The following SCAMP1 variants were observed in gnomAD, a reference collection of about 807,000 sequenced individuals.
The protein encoded by SCAMP1 is secretory carrier-associated membrane protein 1.
A neutral mutation model predicts 41.8 loss-of-function variants in SCAMP1; 15 were observed. The observed-to-expected ratio is 0.36, with a 90% CI of 0.24 to 0.55. SCAMP1 has a LOEUF of 0.55. Ranked by LOEUF, SCAMP1 falls within the 20% of genes least tolerant of loss-of-function variation. The pLI is 0.86. For missense variants in SCAMP1, 341 were observed against 412.6 expected, an observed-to-expected ratio of 0.83 and a Z score of 1.50; for synonymous variants, 135 against 136.8, an observed-to-expected ratio of 0.99 and a Z score of 0.09.
chr5:78,421,395 C>T (rs571629800), intron 5 of SCAMP1, among the ~76,000 whole-genome samples: 1 of 152,300 alleles, frequency 6.6e-6, no homozygotes, highest in Non-Finnish European at 1.5e-5. Flanking sequence ...TAGTCTGCAG[C>T]CCCATTCTGT....
rs147878152 is a variant in SCAMP1, at chr5:78,462,075, A to G, written c.852+2713A>G. 1.9e-3 allele frequency among the ~76,000 whole-genome samples: 283 copies of G among 152,288 alleles called. 1 individual carries two copies. The highest frequency in any genetic ancestry group is 6.1e-3 in the African/African-American group (252 of 41,578). ...GTAACAATATTGATTCTTCTAATCC[A>G]TGAATGTGGATGTTTTTCCATTTCT... is the stretch of plus-strand genomic sequence containing the variant. On this transcript the variant is annotated intron_variant, in intron 8 of 8. Coordinates refer to ENST00000621999, the MANE Select transcript of SCAMP1 (RefSeq NM_004866.6).
chr5:78,417,881 T>C (rs1027741081), intron 4 of SCAMP1, among the ~76,000 whole-genome samples: 3 of 152,182 alleles, frequency 2.0e-5, no homozygotes, highest in African/African-American at 7.2e-5. Flanking sequence ...AAATAGGTTA[T>C]TGTTCTTTCT....
intron 1 of SCAMP1, among the ~76,000 whole-genome samples, chr5:78,362,385 A>G (rs1276790393): frequency 6.6e-6 from 1 of 152,160 alleles, no homozygotes; most frequent in East Asian, 1.9e-4. Context: ...AGGGCAAAAC[A>G]TTGTCTTCAT....
chr5:78,370,048 A>C (rs1750904538), intron 1 of SCAMP1, among the ~76,000 whole-genome samples: 1 of 152,242 alleles, frequency 6.6e-6, no homozygotes, highest in Non-Finnish European at 1.5e-5. Flanking sequence ...CATGTCATGA[A>C]GAATTTCAAT....
chr5:78,472,412 A>C (rs1753902316), intron 8 of SCAMP1, among the ~76,000 whole-genome samples: 1 of 151,478 alleles, frequency 6.6e-6, no homozygotes, highest in Non-Finnish European at 1.5e-5. Flanking sequence ...AAGTTGTGTA[A>C]TTTTTTAAAA....
At chr5:78,449,681 G>C (rs957129380) in intron 6 of SCAMP1, among the ~76,000 whole-genome samples, 1 of 152,190 alleles carries the variant, frequency 6.6e-6, no homozygotes, top group African/African-American at 2.4e-5. Context: ...TTGTGGTGCA[G>C]TTGGAAATTG....
chr5:78,397,247 T>C (rs1372687779), intron 2 of SCAMP1, among the ~76,000 whole-genome samples: 3 of 152,194 alleles, frequency 2.0e-5, no homozygotes, highest in African/African-American at 7.2e-5. Flanking sequence ...GAATAATCTT[T>C]TCAGTAAATG....
At chr5:78,379,289 C>T (rs1030101363) in intron 1 of SCAMP1, among the ~76,000 whole-genome samples, 1 of 152,176 alleles carries the variant, frequency 6.6e-6, no homozygotes, top group Non-Finnish European at 1.5e-5. Flanking sequence ...ATGCTGAATA[C>T]TTAGTAGGCG....
intron 1 of SCAMP1, among the ~76,000 whole-genome samples, chr5:78,367,092 G>A (rs564245137): frequency 6.6e-6 from 1 of 152,242 alleles, no homozygotes; most frequent in South Asian, 2.1e-4. Context: ...TTGTGGGCCT[G>A]TGTTATTTTA....
intron 6 of SCAMP1, among the ~76,000 whole-genome samples, chr5:78,431,611 C>T (rs1362028707): frequency 3.1e-5 from 4 of 130,704 alleles, no homozygotes; most frequent in African/African-American, 1.2e-4. Context: ...ATTTATATCT[C>T]TTAAAACTGT....
chr5:78,390,425 C>A (rs1751455942), intron 2 of SCAMP1, among the ~76,000 whole-genome samples: 1 of 152,042 alleles, frequency 6.6e-6, no homozygotes, highest in Non-Finnish European at 1.5e-5. Flanking sequence ...AATAAGCTGA[C>A]CAGTTTTGAT....
At chr5:78,472,608 G>C (rs1199381658) in intron 8 of SCAMP1, among the ~76,000 whole-genome samples, 1 of 151,890 alleles carries the variant, frequency 6.6e-6, no homozygotes, top group Non-Finnish European at 1.5e-5. Context: ...GGATATAATG[G>C]ATTTAATACA....
chr5:78,476,031 A>G lies in SCAMP1; in HGVS notation c.*363A>G, dbSNP rs1753996083. 6.5e-6 allele frequency: 1 copy of G among 154,366 alleles called. No homozygotes were observed. Among genetic ancestry groups the G allele is most frequent in the Admixed American group, 6.5e-5 (1 of 15,460 alleles). 9.6% of individuals were successfully genotyped at this position (154,366 alleles called of 1,614,324 possible). A position where few individuals can be genotyped will look rare whatever the true frequency, so the allele number is the denominator to read the frequency against. On this transcript the variant is annotated 3_prime_UTR_variant, in exon 9 of 9. Coordinates refer to ENST00000621999, the MANE Select transcript of SCAMP1 (RefSeq NM_004866.6). ...AGTTCTTTCAAGAATCTTTAGAGATAAGGATTGCACATTGGAAAAGTAAAC... is the reference window on the plus strand; with the variant it reads ...AGTTCTTTCAAGAATCTTTAGAGATGAGGATTGCACATTGGAAAAGTAAAC...
rs768520249 is a variant in SCAMP1, at chr5:78,421,765, A to G, written c.473-36A>G. ...GGATGAATTCATAAATTGAATGTAA[A>G]TCTTTCTTTTTCTATTTTGTTTTCT... On this transcript the variant is annotated intron_variant, in intron 5 of 8. Coordinates refer to ENST00000621999, the MANE Select transcript of SCAMP1 (RefSeq NM_004866.6). The G allele has an allele frequency of 3.8e-6, 6 of 1,559,608 alleles. No individual in the cohort carries two copies. In the South Asian group the frequency reaches 6.0e-5, roughly 15 times the overall value.
rs1280218507 is a variant in SCAMP1, at chr5:78,476,849, A to T, written c.*1181A>T. 6.6e-6 allele frequency: 1 copy of T among 152,440 alleles called. No homozygotes were observed. The highest frequency in any genetic ancestry group is 1.5e-5 in the Non-Finnish European group (1 of 67,982). 9.4% of individuals were successfully genotyped at this position (152,440 alleles called of 1,614,324 possible). On this transcript the variant is annotated 3_prime_UTR_variant, in exon 9 of 9. Coordinates refer to ENST00000621999, the MANE Select transcript of SCAMP1 (RefSeq NM_004866.6). ...TTGCACCAAGCAAGAAAATATAAAT[A>T]CAGTTAACTGCATTAAGATAATCAC...
intron 1 of SCAMP1, among the ~76,000 whole-genome samples, chr5:78,367,779 C>T (rs1014472941): frequency 2.0e-5 from 3 of 151,596 alleles, no homozygotes; most frequent in African/African-American, 4.9e-5. Context: ...GAGTGGGAGG[C>T]GTGTAGCACC....
At chr5:78,386,549 A>G (rs1751346669) in intron 1 of SCAMP1, among the ~76,000 whole-genome samples, 1 of 149,416 alleles carries the variant, frequency 6.7e-6, no homozygotes. Context: ...GTATTGTTTT[A>G]TAGGGCCTGT....
At chr5:78,456,444 A>C (rs1225990728) in intron 7 of SCAMP1, among the ~76,000 whole-genome samples, 3 of 151,858 alleles carry the variant, frequency 2.0e-5, no homozygotes, top group Admixed American at 6.6e-5. Flanking sequence ...TCACTTATGA[A>C]GTTTAGTTTG....
In SCAMP1 at chr5:78,415,629, G is replaced by A. The variant is rs1179495331; in HGVS notation, c.234+11G>A. ...ACACAGATTGCAAAGGTTAGTTCATGTTAGTTGTATAAATTCATATTGGCC... is the reference window on the plus strand; with the variant it reads ...ACACAGATTGCAAAGGTTAGTTCATATTAGTTGTATAAATTCATATTGGCC... On this transcript the variant is annotated intron_variant, in intron 3 of 8. Coordinates refer to ENST00000621999, the MANE Select transcript of SCAMP1 (RefSeq NM_004866.6). 6.6e-7 allele frequency: 1 copy of A among 1,515,076 alleles called. No individual in the cohort carries two copies. The highest frequency in any genetic ancestry group is 1.8e-5 in the Admixed American group (1 of 54,408). 93.9% of individuals were successfully genotyped at this position (1,515,076 alleles called of 1,614,324 possible). A position where few individuals can be genotyped will look rare whatever the true frequency, so the allele number is the denominator to read the frequency against.
Sources: gnomAD v4.1 joint callset for allele counts (sites outside exome capture counted in the v4.1 genomes callset) on GRCh38, gnomAD v4.1.1 for gene constraint, MANE v1.5 for transcripts, NCBI Gene and HGNC (gene_info 2026-07-23, HGNC 2026-07-21) for gene names.